The following TTLL10 variants were observed in gnomAD, a reference collection of about 807,000 sequenced individuals.
TTLL10 encodes tubulin tyrosine ligase like 10, also known as inactive polyglycylase TTLL10.
TTLL10 carries 61 observed loss-of-function variants against 69.0 expected under a neutral mutation model. That is an observed-to-expected ratio of 0.88 (90% CI 0.72 to 1.09). TTLL10 has a LOEUF of 1.09. Among genes scored for constraint, TTLL10 ranks in the 50% least tolerant of loss-of-function variants. The probability of loss-of-function intolerance (pLI) is 0.00; values close to 1 mark genes in which losing one functional copy is unlikely to be tolerated. For synonymous variants in TTLL10, 408 were observed against 393.3 expected (o/e 1.04, Z -0.44); for missense variants, 962 against 945.9 (o/e 1.02, Z -0.22).
At position 1,179,701 on chromosome 1, in the gene TTLL10, C is replaced by A. The variant is rs746904797; in HGVS notation, c.163C>A (p.Pro55Thr). 44 of 1,550,658 alleles carry A rather than the reference C, an allele frequency of 2.8e-5. No homozygotes were observed. Among genetic ancestry groups the A allele is most frequent in the Non-Finnish European group, 3.8e-5 (44 of 1,146,818 alleles). ...TCTGCACCCAGCACCGGCCTCACAG[C>A]CCGGCCCCTGCCCTGCACCAGGCCA... ...SRLHPAPASQ[P>T]GPCPAPGHCP... The change falls in exon 5 of 16, where the codon CCC (proline) becomes ACC (threonine). Residue 55 changes from proline to threonine, a missense_variant. Transcript: ENST00000379289.
chr1:1,197,626 C>T lies in TTLL10; in HGVS notation c.1801C>T (p.Pro601Ser), dbSNP rs1369153168. Residue 601 changes from proline (P) to serine (S), a missense_variant, in exon 16 of 16, where the codon CCG (proline) becomes TCG (serine). Physicochemically the swap from Pro to Ser is moderately conservative, Grantham distance 74. Coordinates refer to ENST00000379289, the MANE Select transcript of TTLL10 (RefSeq NM_001130045.2). ...GGCCAAGTCCTCCGGGCCACCCATG[C>T]CGCATGCCCCAGACCAGCCGGGCGC... ...RQAKSSGPPM[P>S]HAPDQPGARR... 1.3e-6 allele frequency: 2 copies of T among 1,514,648 alleles called. No homozygotes were observed. The highest frequency in any genetic ancestry group is 2.1e-5 in the Admixed American group (1 of 48,032). 93.8% of individuals were successfully genotyped at this position (1,514,648 alleles called of 1,614,324 possible). A position where few individuals can be genotyped will look rare whatever the true frequency, so the allele number is the denominator to read the frequency against.
intron 13 of TTLL10, among the ~76,000 whole-genome samples, chr1:1,195,680 C>T (rs1648155969): frequency 6.6e-6 from 1 of 151,452 alleles, no homozygotes; most frequent in African/African-American, 2.4e-5. Flanking sequence ...CACTGTGTCA[C>T]CCAGGCTAGA....
intron 15 of TTLL10, 106 bp downstream of exon 15, chr1:1,197,292 T>C: frequency 7.6e-6 from 10 of 1,309,846 alleles, no homozygotes; most frequent in Non-Finnish European, 1.0e-5. Context: ...CTCTTCCACC[T>C]CCCGAGGGCC....
Position 1,180,129 on chromosome 1 carries a change from C to T in TTLL10, c.295C>T (p.Pro99Ser). 6.2e-7 allele frequency: 1 copy of T among 1,611,224 alleles called. No individual in the cohort carries two copies. The highest frequency in any genetic ancestry group is 8.5e-7 in the Non-Finnish European group (1 of 1,179,324). Reference protein sequence around the residue: ...PDHDADGHCGPDLEGAERASA... With the variant: ...PDHDADGHCGSDLEGAERASA... The stretch of plus-strand genomic sequence containing the variant: ...CCACGACGCAGATGGACACTGTGGG[C>T]CGGACCTGGAGGGGGCAGAAAGAGC... The change falls in exon 6 of 16, where the codon CCG becomes TCG. Residue 99 changes from proline to serine, a missense_variant. Physicochemically the swap from Pro to Ser is moderately conservative, Grantham distance 74. Coordinates refer to ENST00000379289, the MANE Select transcript of TTLL10 (RefSeq NM_001130045.2).
At chr1:1,191,666 A>G (rs1647792706) in intron 13 of TTLL10, among the ~76,000 whole-genome samples, 1 of 152,194 alleles carries the variant, frequency 6.6e-6, no homozygotes, top group South Asian at 2.1e-4. Context: ...ACACAGAGAA[A>G]TACAGAGGTG....
At chr1:1,177,430 GC>G (rs1381465842) in intron 3 of TTLL10, among the ~76,000 whole-genome samples, 2 of 152,096 alleles carry the variant, frequency 1.3e-5, no homozygotes, top group African/African-American at 4.8e-5. Flanking sequence ...TCCTGCCTCA[GC>G]CCCTCAAGGA....
In TTLL10 at chr1:1,179,228, T is replaced by C; in HGVS notation, c.13T>C (p.Cys5Arg). MDHS[C>R]TRFIHRRGPP... is the part of the protein sequence containing the mutation. ...CACCCCCCGGCCAATGGACCACAGC[T>C]GCACCCGGTTCATCCACCGCCGGGG... Residue 5 changes from cysteine to arginine, a missense_variant, in exon 4 of 16, where the codon TGC becomes CGC. Physicochemically the swap from Cys to Arg is radical, Grantham distance 180. Transcript: ENST00000379289. 2 of 1,547,220 alleles carry C rather than the reference T, an allele frequency of 1.3e-6. No individual in the cohort carries two copies. Among genetic ancestry groups the C allele is most frequent in the East Asian group, 2.4e-5 (1 of 40,902 alleles).
At position 1,181,001 on chromosome 1, in the gene TTLL10, C is replaced by A. The variant is rs978740251; in HGVS notation, c.755+141C>A. 1.3e-6 allele frequency: 1 copy of A among 747,216 alleles called. No homozygotes were observed. The allele number at this position is 747,216 out of a possible 1,614,324, so 46.3% of individuals were successfully genotyped here. On this transcript the variant is annotated intron_variant, in intron 8 of 15. Coordinates refer to ENST00000379289, the MANE Select transcript of TTLL10 (RefSeq NM_001130045.2). This position sits in a 1 kb window ranked among gnomAD's most constrained non-coding sequence, Gnocchi z 4.6. Reference sequence around the variant, plus strand: ...GCCCCTGGCCACCCAGGCTCCCAGGCTGGCTCCAGCCCCTGCCCCTGCCCT... The same window carrying A: ...GCCCCTGGCCACCCAGGCTCCCAGGATGGCTCCAGCCCCTGCCCCTGCCCT...
At position 1,197,577 on chromosome 1, in the gene TTLL10, C is replaced by T; in HGVS notation, c.1752C>T (p.Arg584=). ...TGGGGGGCTCGTGCAGCCTCCGCCG[C>T]TGGCCGCCCCTGCCCACCCGCCAGG... The part of the protein sequence containing the change: ...PHLGGSCSLR[R]WPPLPTRQAK... The change falls in exon 16 of 16, where the codon CGC becomes CGT. Residue 584 remains arginine (R), a synonymous_variant. Transcript: ENST00000379289. The T allele has an allele frequency of 1.3e-6, 2 of 1,514,434 alleles. No homozygotes were observed. Among genetic ancestry groups the T allele is most frequent in the Non-Finnish European group, 8.8e-7 (1 of 1,136,754 alleles). The allele number at this position is 1,514,434 out of a possible 1,614,324, so 93.8% of individuals were successfully genotyped here.
intron 13 of TTLL10, among the ~76,000 whole-genome samples, chr1:1,196,039 C>T (rs9660873): frequency 6.8e-6 from 1 of 146,182 alleles, no homozygotes; most frequent in Non-Finnish European, 1.5e-5. Flanking sequence ...GCCTCCCAAA[C>T]TGCTGGGACT....
In TTLL10 at chr1:1,179,924, G is replaced by T. The variant is rs1489873157; in HGVS notation, c.200-110G>T. 7.6e-6 allele frequency: 11 copies of T among 1,439,294 alleles called. No homozygotes were observed. In the East Asian group the frequency reaches 1.0e-4, roughly 13 times the overall value. 89.2% of individuals were successfully genotyped at this position (1,439,294 alleles called of 1,614,324 possible). On this transcript the variant is annotated intron_variant, in intron 5 of 15. Transcript: ENST00000379289. Reference sequence around the variant, plus strand: ...ACTTGAGCCCCAGACGGGCCAGGGGGATTGTCCAGGGTATTGGAGAAATGG... The same window carrying T: ...ACTTGAGCCCCAGACGGGCCAGGGGTATTGTCCAGGGTATTGGAGAAATGG...
intron 8 of TTLL10, 65 bp downstream of exon 8, chr1:1,180,925 C>T: frequency 2.1e-6 from 3 of 1,414,942 alleles, no homozygotes; most frequent in South Asian, 2.8e-5. Flanking sequence ...CTGCCCCTGC[C>T]CCTGCACCCG....
Position 1,197,504 on chromosome 1 carries a change from G to T in TTLL10, c.1679G>T (p.Arg560Leu). Residue 560 changes from arginine to leucine, a missense_variant, in exon 16 of 16, where the codon CGC becomes CTC. Transcript: ENST00000379289. ...GQKMLPLLSQ[R>L]RFVLLHNGEA... ...AAGATGTTGCCTCTGCTGTCCCAGC[G>T]CCGCTTCGTGCTCCTGCACAACGGT... The T allele has an allele frequency of 6.5e-7, 1 of 1,542,584 alleles. No individual in the cohort carries two copies.
At chr1:1,179,914 G>A (rs1646992492) in intron 5 of TTLL10, 120 bp from the exon 6 acceptor site, 11 of 1,437,288 alleles carry the variant, frequency 7.7e-6, no homozygotes, top group South Asian at 7.4e-5. Context: ...AGCCCCAGAC[G>A]GGCCAGGGGG....
At position 1,183,964 on chromosome 1, in the gene TTLL10, T is replaced by C. The variant is rs1647162055; in HGVS notation, c.1133T>C (p.Val378Ala). The change falls in exon 12 of 16, where the codon GTG (valine) becomes GCG (alanine). Residue 378 changes from valine (V) to alanine (A), a missense_variant. Coordinates refer to ENST00000379289, the MANE Select transcript of TTLL10 (RefSeq NM_001130045.2). ...PLLVDGRKFD[V>A]RSYLLIACTT... ...CTGGTGGACGGGAGAAAGTTTGACG[T>C]GCGCTCCTACCTGCTCATTGCCTGC... 2 of 1,614,178 alleles carry C rather than the reference T, an allele frequency of 1.2e-6. No individual in the cohort carries two copies. The highest frequency in any genetic ancestry group is 4.5e-5 in the East Asian group (2 of 44,886).
chr1:1,195,735 G>T (rs1648158738), intron 13 of TTLL10, among the ~76,000 whole-genome samples: 1 of 151,896 alleles, frequency 6.6e-6, no homozygotes, highest in South Asian at 2.1e-4. Context: ...TGCCTCTTGG[G>T]CTCAAGCAGT....
At chr1:1,174,820 A>T (rs550337268) in intron 3 of TTLL10, 2 of 152,248 alleles carry the variant, frequency 1.3e-5, no homozygotes, top group Non-Finnish European at 2.9e-5. Context: ...CAGCTGCTTA[A>T]GAAACCTTTG....
rs140377618 is a variant in TTLL10 at position 1,190,918 on chromosome 1, C to T, written c.1402-5682C>T. Among the ~76,000 whole-genome samples, 652 of 152,166 alleles carry T rather than the reference C, an allele frequency of 4.3e-3. 6 individuals carry two copies. The highest frequency in any genetic ancestry group is 0.011 in the African/African-American group (459 of 41,498). Reference sequence around the variant, plus strand: ...TCAGCTCACTGCAGCCTCTGCCTCCCGGGTTCAAGCGATTCTCCTGCCTCA... The same window carrying T: ...TCAGCTCACTGCAGCCTCTGCCTCCTGGGTTCAAGCGATTCTCCTGCCTCA... On this transcript the variant is annotated intron_variant, in intron 13 of 15. Coordinates refer to ENST00000379289, the MANE Select transcript of TTLL10 (RefSeq NM_001130045.2).
chr1:1,191,960 G>A (rs1476595332), intron 13 of TTLL10, among the ~76,000 whole-genome samples: 1 of 152,270 alleles, frequency 6.6e-6, no homozygotes, highest in Non-Finnish European at 1.5e-5. Flanking sequence ...CGGGCCAGGT[G>A]TTCCTTGCCC....
Sources: allele counts gnomAD v4.1 joint callset (sites outside exome capture counted in the v4.1 genomes callset), GRCh38; gene constraint gnomAD v4.1.1; non-coding constraint Gnocchi (gnomAD v3.1); transcripts MANE v1.5; gene names NCBI Gene and HGNC (gene_info 2026-07-23, HGNC 2026-07-21).